The following DCC variants were observed in gnomAD, a reference collection of about 807,000 sequenced individuals.
The protein encoded by DCC is netrin receptor DCC.
Under a neutral mutation model 172.5 loss-of-function variants are expected in DCC, and 58 were observed. That is an observed-to-expected ratio of 0.34 (90% CI 0.27 to 0.42). The LOEUF (loss-of-function observed/expected upper bound fraction) is 0.42, where lower values mean the gene tolerates loss of function less well. DCC is among the 10% of genes least tolerant of loss of function. DCC has a pLI of 1.00. For synonymous variants in DCC, 709 were observed against 644.5 expected, an observed-to-expected ratio of 1.10 and a Z score of -1.52; for missense variants, 1,740 against 1,791.0, an observed-to-expected ratio of 0.97 and a Z score of 0.51.
intron 2 of DCC, among the ~76,000 whole-genome samples, chr18:52,859,391 C>T (rs1029092350): frequency 2.6e-5 from 4 of 152,158 alleles, no homozygotes; most frequent in Admixed American, 6.6e-5. Flanking sequence ...TGAACATACA[C>T]ATGCGGAGGA....
At chr18:52,922,823 G>C (rs185355702) in intron 3 of DCC, among the ~76,000 whole-genome samples, 5 of 152,210 alleles carry the variant, frequency 3.3e-5, no homozygotes, top group Admixed American at 3.3e-4. Flanking sequence ...GCTCTTAACT[G>C]TCCGCAAGCC....
intron 2 of DCC, among the ~76,000 whole-genome samples, chr18:52,788,483 T>A (rs1484764526): frequency 6.6e-6 from 1 of 152,164 alleles, no homozygotes; most frequent in Non-Finnish European, 1.5e-5. Context: ...GTGGTATGAT[T>A]AAGACCACCT....
intron 15 of DCC, among the ~76,000 whole-genome samples, chr18:53,369,003 T>C (rs1303817449): frequency 6.6e-6 from 1 of 152,010 alleles, no homozygotes; most frequent in Non-Finnish European, 1.5e-5. Context: ...GAGATTGCAT[T>C]GAATCTGTAA....
In DCC at chr18:52,367,881, C is replaced by A. The variant is rs1568135607; in HGVS notation, c.91+27003C>A. Among the ~76,000 whole-genome samples, 3 of 152,204 alleles carry A rather than the reference C, an allele frequency of 2.0e-5. No homozygotes were observed. The South Asian group carries it at 6.2e-4, about 32-fold the overall frequency. On this transcript the variant is annotated intron_variant, in intron 1 of 28. Transcript: ENST00000442544. Reference sequence around the variant, plus strand: ...ATAGGTATTCTTTCTGCAATTGAGGCCCTTCCATGCTGCTCAGAGTCACAG... The same window carrying A: ...ATAGGTATTCTTTCTGCAATTGAGGACCTTCCATGCTGCTCAGAGTCACAG...
chr18:52,945,654 T>C (rs915831479), intron 5 of DCC, among the ~76,000 whole-genome samples: 10 of 152,180 alleles, frequency 6.6e-5, no homozygotes, highest in Non-Finnish European at 1.3e-4. Flanking sequence ...CAGTGTGCAC[T>C]GGCTTAGAGA....
intron 2 of DCC, among the ~76,000 whole-genome samples, chr18:52,849,844 CAGAG>C (rs1260604344): frequency 6.6e-6 from 1 of 152,064 alleles, no homozygotes; most frequent in Admixed American, 6.6e-5. Flanking sequence ...GGAGGCTTAG[CAGAG>C]AGAGTACATG....
At chr18:52,662,727 G>C (rs962404230) in intron 1 of DCC, among the ~76,000 whole-genome samples, 1 of 152,226 alleles carries the variant, frequency 6.6e-6, no homozygotes, top group South Asian at 2.1e-4. Context: ...ATTCACATTT[G>C]CTGTCTTAGT....
At chr18:52,435,087 G>A (rs1753578255) in intron 1 of DCC, among the ~76,000 whole-genome samples, 2 of 152,160 alleles carry the variant, frequency 1.3e-5, no homozygotes, top group South Asian at 2.1e-4. Context: ...TAGCTTCTTC[G>A]CATGTGGGCC....
At chr18:53,498,614 A>G (rs2144440037) in intron 26 of DCC, among the ~76,000 whole-genome samples, 1 of 151,454 alleles carries the variant, frequency 6.6e-6, no homozygotes, top group East Asian at 1.9e-4. Flanking sequence ...AAATGCCCAT[A>G]GGCACTCACA....
intron 1 of DCC, among the ~76,000 whole-genome samples, chr18:52,623,984 T>C (rs2034526943): frequency 6.6e-6 from 1 of 152,282 alleles, no homozygotes; most frequent in East Asian, 1.9e-4. Flanking sequence ...AATCCGCTTC[T>C]TTCCCTAGAA....
intron 12 of DCC, among the ~76,000 whole-genome samples, chr18:53,274,902 C>G (rs1202215300): frequency 6.6e-6 from 1 of 152,068 alleles, no homozygotes; most frequent in Non-Finnish European, 1.5e-5. Flanking sequence ...GGTGATTCTT[C>G]TGCATATTAC....
chr18:52,798,318 T>TAGCAGACTAGTCTTTG (rs958572515), intron 2 of DCC, among the ~76,000 whole-genome samples: 6 of 152,230 alleles, frequency 3.9e-5, no homozygotes, highest in Non-Finnish European at 8.8e-5. Flanking sequence ...GTGGTAGAAG[T>TAGCAGACTAGTCTTTG]AGCAGACTAG....
At chr18:52,808,708 C>T (rs117867028) in intron 2 of DCC, among the ~76,000 whole-genome samples, 4,132 of 152,252 alleles carry the variant, frequency 0.027, 93 homozygotes, top group Non-Finnish European at 0.039. Context: ...GGACTCCTTG[C>T]TTTAATCATA....
intron 1 of DCC, among the ~76,000 whole-genome samples, chr18:52,715,586 T>C (rs1039857968): frequency 3.3e-5 from 5 of 152,176 alleles, no homozygotes; most frequent in African/African-American, 7.2e-5. Context: ...ATTACAGGAA[T>C]GTGCCACCAC....
chr18:53,300,965 C>CTT (rs1555649194), intron 12 of DCC, among the ~76,000 whole-genome samples: 1 of 123,014 alleles, frequency 8.1e-6, no homozygotes, highest in Non-Finnish European at 1.7e-5. Context: ...TGGATTCATT[C>CTT]TTTCTTTCTT....
At chr18:52,376,614 G>A (rs993775134) in intron 1 of DCC, among the ~76,000 whole-genome samples, 2 of 151,916 alleles carry the variant, frequency 1.3e-5, no homozygotes, top group African/African-American at 4.8e-5. Flanking sequence ...TTAACATTCC[G>A]GGACAAACTC....
At chr18:52,787,256 C>A (rs761379570) in intron 2 of DCC, among the ~76,000 whole-genome samples, 2 of 152,150 alleles carry the variant, frequency 1.3e-5, no homozygotes, top group Non-Finnish European at 2.9e-5. Flanking sequence ...CCCATACATT[C>A]TTTCTCTATT....
intron 12 of DCC, among the ~76,000 whole-genome samples, chr18:53,285,431 A>G (rs552367821): frequency 6.6e-6 from 1 of 152,300 alleles, no homozygotes; most frequent in South Asian, 2.1e-4. Flanking sequence ...CAAACCTTGG[A>G]AGCTTCTACG....
intron 12 of DCC, among the ~76,000 whole-genome samples, chr18:53,253,025 A>T (rs374326306): frequency 2.6e-4 from 39 of 152,102 alleles, no homozygotes; most frequent in African/African-American, 8.4e-4. Context: ...TACTCATTTT[A>T]TTCATGTACC....
Sources: gnomAD v4.1 joint callset for allele counts (sites outside exome capture counted in the v4.1 genomes callset) on GRCh38, gnomAD v4.1.1 for gene constraint, MANE v1.5 for transcripts, NCBI Gene and HGNC (gene_info 2026-07-23, HGNC 2026-07-21) for gene names.